The following HDAC9 variants were observed in gnomAD, a reference collection of about 807,000 sequenced individuals.
HDAC9 encodes the protein MEF-2 interacting transcription repressor (MITR) protein.
In HDAC9, 41 loss-of-function variants were observed where a neutral mutation model predicts 139.4. The ratio of observed to expected loss-of-function variants is 0.29; its 90% confidence interval spans 0.23 to 0.38. HDAC9 has a LOEUF of 0.38. Among genes scored for constraint, HDAC9 ranks in the 10% least tolerant of loss-of-function variants. HDAC9 has a pLI of 1.00. For missense variants in HDAC9, 1,147 were observed against 1,297.0 expected (o/e 0.88, Z 1.78); for synonymous variants, 517 against 476.2 (o/e 1.09, Z -1.12).
At chr7:18,375,867 C>T (rs924377674) in intron 1 of HDAC9, among the ~76,000 whole-genome samples, 1 of 152,112 alleles carries the variant, frequency 6.6e-6, no homozygotes, top group South Asian at 2.1e-4. Context: ...TAGGATCTGT[C>T]CCTAATGCTA....
intron 1 of HDAC9, among the ~76,000 whole-genome samples, chr7:18,352,464 A>G (rs1005548398): frequency 2.0e-5 from 3 of 152,274 alleles, no homozygotes; most frequent in East Asian, 3.9e-4. Context: ...TGGTCCTCCT[A>G]TCATTAATTG....
chr7:18,428,911 C>A (rs545483619), intron 1 of HDAC9, among the ~76,000 whole-genome samples: 1 of 152,288 alleles, frequency 6.6e-6, no homozygotes, highest in East Asian at 1.9e-4. Context: ...TTTGCTGATC[C>A]CAGTGCTTAG....
At chr7:18,173,227 A>G (rs927727923) in intron 2 of HDAC9, among the ~76,000 whole-genome samples, 1 of 151,760 alleles carries the variant, frequency 6.6e-6, no homozygotes, top group Non-Finnish European at 1.5e-5. Flanking sequence ...GTCTCTTTTG[A>G]TCTTTGTTGG....
rs1173620424 is a variant in HDAC9 at position 18,818,278 on chromosome 7, G to C, written c.2323-10883G>C. 2.0e-5 allele frequency among the ~76,000 whole-genome samples: 3 copies of C among 152,180 alleles called. No homozygotes were observed. In the East Asian group the frequency reaches 5.8e-4, roughly 29 times the overall value. ...ACTCTAAATTACCAGTACACTCAAA[G>C]AGAAATTTTAAAAACAGAATCCCGA... On this transcript the variant is annotated intron_variant, in intron 17 of 25. Transcript: ENST00000686413.
intron 1 of HDAC9, among the ~76,000 whole-genome samples, chr7:18,136,381 G>C (rs1286270633): frequency 1.3e-5 from 2 of 152,088 alleles, no homozygotes; most frequent in Non-Finnish European, 1.5e-5. Flanking sequence ...CCTTGCCCAT[G>C]CCTGTGTCCT....
chr7:18,597,799 A>G (rs912574646), intron 6 of HDAC9, among the ~76,000 whole-genome samples: 1 of 152,178 alleles, frequency 6.6e-6, no homozygotes, highest in Non-Finnish European at 1.5e-5. Context: ...TTAGCTGGCT[A>G]GATTAACCTC....
At chr7:18,926,944 GA>G (rs1804285787) in intron 22 of HDAC9, among the ~76,000 whole-genome samples, 1 of 152,066 alleles carries the variant, frequency 6.6e-6, no homozygotes. Context: ...TAAGCCAATT[GA>G]AAGATTTAAT....
chr7:18,893,404 A>G (rs1800870907), intron 22 of HDAC9, among the ~76,000 whole-genome samples: 1 of 152,190 alleles, frequency 6.6e-6, no homozygotes, highest in South Asian at 2.1e-4. Flanking sequence ...GAAAGTGACT[A>G]ATTCAATTCA....
chr7:18,355,917 T>C (rs1783223641), intron 1 of HDAC9, among the ~76,000 whole-genome samples: 1 of 152,046 alleles, frequency 6.6e-6, no homozygotes, highest in Non-Finnish European at 1.5e-5. Flanking sequence ...GGGGCAGGAA[T>C]GGGTGGGTAT....
chr7:18,478,186 C>G (rs1438885195), intron 1 of HDAC9, among the ~76,000 whole-genome samples: 2 of 152,270 alleles, frequency 1.3e-5, no homozygotes, highest in South Asian at 2.1e-4. Flanking sequence ...GTTTTCCTGC[C>G]TCAGCCTCCC....
At chr7:18,451,133 C>G (rs116288506) in intron 1 of HDAC9, among the ~76,000 whole-genome samples, 1 of 152,038 alleles carries the variant, frequency 6.6e-6, no homozygotes, top group East Asian at 1.9e-4. Context: ...AGTGCCTTTA[C>G]GAAACAGGCC....
chr7:18,873,381 A>T (rs1043163734), intron 21 of HDAC9, among the ~76,000 whole-genome samples: 1 of 152,198 alleles, frequency 6.6e-6, no homozygotes, highest in Non-Finnish European at 1.5e-5. Flanking sequence ...GGATTCATTT[A>T]GGAAAAATAT....
intron 2 of HDAC9, among the ~76,000 whole-genome samples, chr7:18,274,423 G>T (rs939494622): frequency 1.3e-5 from 2 of 152,218 alleles, no homozygotes; most frequent in African/African-American, 4.8e-5. Flanking sequence ...TTAACAACCT[G>T]CTCTCAGGGG....
At chr7:18,926,734 C>G (rs1804261831) in intron 22 of HDAC9, among the ~76,000 whole-genome samples, 1 of 152,054 alleles carries the variant, frequency 6.6e-6, no homozygotes, top group Non-Finnish European at 1.5e-5. Flanking sequence ...TCAATTTTGT[C>G]TTACAAAAAA....
intron 16 of HDAC9, among the ~76,000 whole-genome samples, chr7:18,781,010 A>G (rs1384609714): frequency 6.6e-6 from 1 of 152,050 alleles, no homozygotes; most frequent in Non-Finnish European, 1.5e-5. Context: ...GAAGTTCAAT[A>G]TCAAAATGTT....
intron 2 of HDAC9, among the ~76,000 whole-genome samples, chr7:18,569,944 C>CT (rs1163772646): frequency 3.9e-5 from 6 of 152,144 alleles, no homozygotes; most frequent in Non-Finnish European, 8.8e-5. Context: ...CTGCCTCTTA[C>CT]TTTTTGTTAC....
At chr7:18,230,437 C>G (rs781516585) in intron 2 of HDAC9, among the ~76,000 whole-genome samples, 2 of 152,140 alleles carry the variant, frequency 1.3e-5, no homozygotes, top group South Asian at 4.1e-4. Flanking sequence ...TGTCAAAGAC[C>G]GTATTCACCA....
intron 21 of HDAC9, among the ~76,000 whole-genome samples, chr7:18,846,965 C>G (rs953532481): frequency 2.8e-4 from 43 of 152,192 alleles, no homozygotes; most frequent in African/African-American, 1.0e-3. Flanking sequence ...GGAAGTGAGG[C>G]TTAATTCAAA....
intron 2 of HDAC9, among the ~76,000 whole-genome samples, chr7:18,216,801 G>C (rs917474573): frequency 7.9e-5 from 12 of 152,058 alleles, no homozygotes. Context: ...TGTTTTGTCA[G>C]CTGGTTTTCA....
Sources: gnomAD v4.1 joint callset for allele counts (sites outside exome capture counted in the v4.1 genomes callset) on GRCh38, gnomAD v4.1.1 for gene constraint, MANE v1.5 for transcripts, NCBI Gene and HGNC (gene_info 2026-07-23, HGNC 2026-07-21) for gene names.